Variants in MYO1E observed in about 807,000 individuals in gnomAD.
The protein encoded by MYO1E is unconventional myosin-Ie.
A neutral mutation model predicts 151.1 loss-of-function variants in MYO1E; 68 were observed. The observed-to-expected ratio is 0.45, with a 90% CI of 0.37 to 0.55. The LOEUF is 0.55. MYO1E is among the 20% of genes least tolerant of loss of function. The pLI, the probability that MYO1E is intolerant of heterozygous loss-of-function variation, is 0.00. For synonymous variants in MYO1E, 601 were observed against 501.7 expected, an observed-to-expected ratio of 1.20 and a Z score of -2.64; for missense variants, 1,363 against 1,389.3, an observed-to-expected ratio of 0.98 and a Z score of 0.30.
At chr15:59,191,715 A>C (rs2079735675) in intron 17 of MYO1E, among the ~76,000 whole-genome samples, 2 of 152,162 alleles carry the variant, frequency 1.3e-5, no homozygotes, top group South Asian at 4.1e-4. Flanking sequence ...CAAGTCCTGT[A>C]ATGTTTAAAA....
chr15:59,212,289 T>C (rs553187416), intron 12 of MYO1E, among the ~76,000 whole-genome samples: 3 of 151,180 alleles, frequency 2.0e-5, no homozygotes, highest in South Asian at 4.2e-4. Flanking sequence ...GAGCAATGGG[T>C]TTCATGTGAA....
chr15:59,135,218 T>TA lies in MYO1E; in HGVS notation c.*2161dup, dbSNP rs2079365353. ...CTGTGATTTCCATGGATGAGGGTGT[T>TA]ACTCGTGGGGGTTTAACTCAGTCCC... On this transcript the variant is annotated 3_prime_UTR_variant, in exon 28 of 28. Transcript: ENST00000288235. 1.3e-5 allele frequency: 2 copies of TA among 152,192 alleles called. No homozygotes were observed. Among genetic ancestry groups the TA allele is most frequent in the Non-Finnish European group, 2.9e-5 (2 of 68,028 alleles). 9.4% of individuals were successfully genotyped at this position (152,192 alleles called of 1,614,324 possible).
chr15:59,220,434 G>C (rs1264981574), intron 9 of MYO1E, among the ~76,000 whole-genome samples: 1 of 152,226 alleles, frequency 6.6e-6, no homozygotes, highest in Non-Finnish European at 1.5e-5. Context: ...GGGTGACACA[G>C]AAAGACTCTG....
intron 4 of MYO1E, among the ~76,000 whole-genome samples, chr15:59,237,089 A>T (rs1727244691): frequency 6.6e-6 from 1 of 152,252 alleles, no homozygotes; most frequent in Non-Finnish European, 1.5e-5. Flanking sequence ...TATACAAAAC[A>T]TGATTACAAT....
intron 1 of MYO1E, among the ~76,000 whole-genome samples, chr15:59,299,460 C>A (rs66552644): frequency 0.1 from 15,192 of 152,244 alleles, 909 homozygotes; most frequent in African/African-American, 0.16. Flanking sequence ...ATCATTTCAC[C>A]TAGTCAACAA....
chr15:59,319,550 CTTTTTT>C (rs59491381), intron 1 of MYO1E, among the ~76,000 whole-genome samples: 25 of 63,716 alleles, frequency 3.9e-4, no homozygotes, highest in East Asian at 2.0e-3. Flanking sequence ...GTCAAACTAC[CTTTTTT>C]TTTTTTTTTT....
chr15:59,293,833 A>G (rs1344802224), intron 1 of MYO1E, among the ~76,000 whole-genome samples: 1 of 152,186 alleles, frequency 6.6e-6, no homozygotes, highest in Non-Finnish European at 1.5e-5. Flanking sequence ...ACTTGAGCCT[A>G]GGAGTTTGAG....
At position 59,272,350 on chromosome 15, in the gene MYO1E, T is replaced by C. The variant is rs751256718; in HGVS notation, c.103A>G (p.Ile35Val). The C allele has an allele frequency of 4.3e-6, 7 of 1,614,038 alleles. No homozygotes were observed. Among genetic ancestry groups the C allele is most frequent in the Non-Finnish European group, 5.9e-6 (7 of 1,179,976 alleles). Reference sequence around the variant, plus strand: ...TATCTCTTCTTCAGATTCTCCACGATGGAGTTCTCTGTGATCTTGGACAGT... The same window carrying C: ...TATCTCTTCTTCAGATTCTCCACGACGGAGTTCTCTGTGATCTTGGACAGT... Reference protein sequence around the residue: ...VLLSKITENSIVENLKKRYMD... With the variant: ...VLLSKITENSVVENLKKRYMD... The change falls in exon 2 of 28, where the codon ATC becomes GTC. Residue 35 changes from isoleucine to valine, a missense_variant. Transcript: ENST00000288235.
intron 1 of MYO1E, among the ~76,000 whole-genome samples, chr15:59,295,965 G>C (rs927145594): frequency 6.6e-6 from 1 of 152,032 alleles, no homozygotes. Context: ...CTAAAGAGGG[G>C]GCAGGAGGAG....
Position 59,312,884 on chromosome 15 carries a change from C to CA in MYO1E, c.4-40436dup, listed in dbSNP as rs56758492. 5.3e-3 allele frequency among the ~76,000 whole-genome samples: 773 copies of CA among 146,876 alleles called. 5 individuals are homozygous for CA. The highest frequency in any genetic ancestry group is 0.019 in the African/African-American group (739 of 39,696). On this transcript the variant is annotated intron_variant, in intron 1 of 27. Coordinates refer to ENST00000288235, the MANE Select transcript of MYO1E (RefSeq NM_004998.4). ...AATAATAATAATAATAATAATAATA[C>CA]AAAAAATTAGCCGGGCATGGTGGCA... is the stretch of plus-strand genomic sequence containing the variant.
At chr15:59,217,343 T>G (rs1249083573) in intron 10 of MYO1E, among the ~76,000 whole-genome samples, 1 of 151,994 alleles carries the variant, frequency 6.6e-6, no homozygotes, top group African/African-American at 2.4e-5. Flanking sequence ...CTAGCTTTAC[T>G]AAATATTTTG....
At chr15:59,152,107 T>C (rs2079484776) in intron 26 of MYO1E, among the ~76,000 whole-genome samples, 1 of 151,372 alleles carries the variant, frequency 6.6e-6, no homozygotes. Context: ...TGCGTGCCTG[T>C]AATCCCAGCT....
chr15:59,183,541 A>G (rs1198375041), intron 18 of MYO1E, among the ~76,000 whole-genome samples: 1 of 152,012 alleles, frequency 6.6e-6, no homozygotes, highest in Non-Finnish European at 1.5e-5. Context: ...GTAGGTATAC[A>G]TATTTATGGG....
At chr15:59,233,819 T>A (rs538833907) in intron 5 of MYO1E, among the ~76,000 whole-genome samples, 7 of 150,414 alleles carry the variant, frequency 4.7e-5, no homozygotes, top group African/African-American at 1.7e-4. Flanking sequence ...TACTGTCCAA[T>A]AGGGAAGCCA....
At chr15:59,329,341 C>T (rs2080685092) in intron 1 of MYO1E, among the ~76,000 whole-genome samples, 1 of 152,140 alleles carries the variant, frequency 6.6e-6, no homozygotes, top group African/African-American at 2.4e-5. Flanking sequence ...AAAGGACTTA[C>T]CTAACGTGCC....
chr15:59,206,948 G>T, intron 14 of MYO1E: 1 of 1,612,724 alleles, frequency 6.2e-7, no homozygotes, highest in South Asian at 1.1e-5. Flanking sequence ...GCCATGAGTT[G>T]GACTGTGCCT....
intron 18 of MYO1E, among the ~76,000 whole-genome samples, chr15:59,187,775 A>G (rs542257003): frequency 6.6e-6 from 1 of 152,350 alleles, no homozygotes; most frequent in African/African-American, 2.4e-5. Flanking sequence ...TGGAAATGCA[A>G]CAACATGGAT....
intron 18 of MYO1E, among the ~76,000 whole-genome samples, chr15:59,183,106 A>C (rs1274333465): frequency 3.3e-5 from 5 of 152,166 alleles, no homozygotes; most frequent in Non-Finnish European, 7.4e-5. Context: ...CCAGTTCCTA[A>C]CAGGCCACAG....
intron 1 of MYO1E, among the ~76,000 whole-genome samples, chr15:59,335,372 T>A (rs2080722043): frequency 6.6e-6 from 1 of 152,162 alleles, no homozygotes; most frequent in Non-Finnish European, 1.5e-5. Context: ...GCTGCTACAG[T>A]ATGAGATGTA....
Sources: gnomAD v4.1 joint callset for allele counts (sites outside exome capture counted in the v4.1 genomes callset) on GRCh38, gnomAD v4.1.1 for gene constraint, MANE v1.5 for transcripts, NCBI Gene and HGNC (gene_info 2026-07-23, HGNC 2026-07-21) for gene names.